The following FEN1 variants were observed in gnomAD, a reference collection of about 807,000 sequenced individuals.
FEN1 encodes flap structure-specific endonuclease 1.
A neutral mutation model predicts 24.7 loss-of-function variants in FEN1; 19 were observed. That is an observed-to-expected ratio of 0.77 (90% CI 0.54 to 1.13). FEN1 has a LOEUF of 1.13. Among genes scored for constraint, FEN1 ranks in the 50% most tolerant of loss-of-function variants. The probability of loss-of-function intolerance (pLI) is 0.00; values close to 1 mark genes in which losing one functional copy is unlikely to be tolerated. For missense variants in FEN1, 339 were observed against 488.7 expected (o/e 0.69, Z 2.89); for synonymous variants, 155 against 189.2 (o/e 0.82, Z 1.48).
rs2066815789 is a variant in FEN1, at chr11:61,795,744, A to G, written c.383A>G (p.Lys128Arg). 6.2e-7 allele frequency: 1 copy of G among 1,613,798 alleles called. No homozygotes were observed. Among genetic ancestry groups the G allele is most frequent in the East Asian group, 2.2e-5 (1 of 44,890 alleles). The change falls in exon 2 of 2, where the codon AAG (lysine) becomes AGG (arginine). Residue 128 changes from lysine (K) to arginine (R), a missense_variant. Around this residue, in one of 3 missense-constraint regions of FEN1, gnomAD observed 216 missense variants for 329.7 expected, o/e 0.66. Transcript: ENST00000305885. This position sits in a 1 kb window ranked among gnomAD's most constrained non-coding sequence, Gnocchi z 4.1. ...GAGCAGGAGGTGGAAAAATTCACTA[A>G]GCGGCTGGTGAAGGTCACTAAGCAG... The part of the protein sequence containing the change: ...GAEQEVEKFT[K>R]RLVKVTKQHN...
intron 1 of FEN1, among the ~76,000 whole-genome samples, chr11:61,794,659 C>A (rs2066809894): frequency 6.6e-6 from 1 of 152,196 alleles, no homozygotes; most frequent in African/African-American, 2.4e-5. Flanking sequence ...CCAGTGACTA[C>A]AGCATGCCAG....
Position 61,795,536 on chromosome 11 carries a change from G to A in FEN1, c.175G>A (p.Glu59Lys), listed in dbSNP as rs775415268. Residue 59 changes from glutamate (E) to lysine (K), a missense_variant, in exon 2 of 2, where the codon GAG (glutamate) becomes AAG (lysine). Transcript: ENST00000305885. The surrounding 1 kb of genome is among the most constrained non-coding windows in gnomAD (Gnocchi z 4.1). The part of the protein sequence containing the change: ...GGDVLQNEEG[E>K]TTSHLMGMFY... ...GGATGTGCTGCAGAATGAGGAGGGTGAGACCACCAGCCACCTGATGGGCAT... is the reference window on the plus strand; with the variant it reads ...GGATGTGCTGCAGAATGAGGAGGGTAAGACCACCAGCCACCTGATGGGCAT... The A allele has an allele frequency of 6.8e-6, 11 of 1,614,194 alleles. No individual in the cohort carries two copies. Among genetic ancestry groups the A allele is most frequent in the Non-Finnish European group, 9.3e-6 (11 of 1,180,048 alleles).
chr11:61,793,598 T>G (rs1215808772), intron 1 of FEN1, among the ~76,000 whole-genome samples: 1 of 152,224 alleles, frequency 6.6e-6, no homozygotes, highest in Non-Finnish European at 1.5e-5. Context: ...CTTTTGCCGC[T>G]GCAGTTCACA....
chr11:61,795,230 A>G lies in FEN1; in HGVS notation c.-21-111A>G, dbSNP rs2066812382. 10 of 874,496 alleles carry G rather than the reference A, an allele frequency of 1.1e-5. No individual in the cohort carries two copies. Among genetic ancestry groups the G allele is most frequent in the Non-Finnish European group, 1.7e-5 (10 of 579,576 alleles). 54.2% of individuals were successfully genotyped at this position (874,496 alleles called of 1,614,324 possible). On this transcript the variant is annotated intron_variant, in intron 1 of 1. Coordinates refer to ENST00000305885, the MANE Select transcript of FEN1 (RefSeq NM_004111.6). This position sits in a 1 kb window ranked among gnomAD's most constrained non-coding sequence, Gnocchi z 4.1. ...TCTTTTTATCTTTAGCAGTGCTGAC[A>G]TGGTGTCCTTTTTGTTGTGTGGAAT...
Position 61,795,238 on chromosome 11 carries a change from C to A in FEN1, c.-21-103C>A, listed in dbSNP as rs2066812419. 1.0e-6 allele frequency: 1 copy of A among 975,246 alleles called. No homozygotes were observed. The highest frequency in any genetic ancestry group is 1.5e-6 in the Non-Finnish European group (1 of 668,734). 60.4% of individuals were successfully genotyped at this position (975,246 alleles called of 1,614,324 possible). Reference sequence around the variant, plus strand: ...TCTTTAGCAGTGCTGACATGGTGTCCTTTTTGTTGTGTGGAATTTAGTTGA... The same window carrying A: ...TCTTTAGCAGTGCTGACATGGTGTCATTTTTGTTGTGTGGAATTTAGTTGA... On this transcript the variant is annotated intron_variant, in intron 1 of 1. Transcript: ENST00000305885. The surrounding 1 kb of genome is among the most constrained non-coding windows in gnomAD (Gnocchi z 4.1).
At chr11:61,793,612 G>A (rs2066803601) in intron 1 of FEN1, among the ~76,000 whole-genome samples, 1 of 152,172 alleles carries the variant, frequency 6.6e-6, no homozygotes, top group African/African-American at 2.4e-5. Context: ...GTTCACAGGG[G>A]AATTATTCAT....
rs1354249313 is a variant in FEN1, at chr11:61,796,078, G to A, written c.717G>A (p.Arg239=). ...LLGSDYCESI[R]GIGPKRAVDL... ...GCAGTGACTACTGTGAGAGTATCCG[G>A]GGTATTGGGCCCAAGCGGGCTGTGG... The change falls in exon 2 of 2, where the codon CGG becomes CGA. Residue 239 remains arginine (R), a synonymous_variant. Transcript: ENST00000305885. 6.2e-7 allele frequency: 1 copy of A among 1,614,076 alleles called. No homozygotes were observed. The highest frequency in any genetic ancestry group is 2.2e-5 in the East Asian group (1 of 44,896).
rs1446851072 is a variant in FEN1, at chr11:61,795,206, CT to C, written c.-21-130del. ...TTTTGAGAATGGGGACCTTGTTCAT[CT>C]TTTTATCTTTAGCAGTGCTGACATG... On this transcript the variant is annotated intron_variant, in intron 1 of 1. Transcript: ENST00000305885. This position sits in a 1 kb window ranked among gnomAD's most constrained non-coding sequence, Gnocchi z 4.1. 5 of 722,098 alleles carry C rather than the reference CT, an allele frequency of 6.9e-6. No homozygotes were observed. The highest frequency in any genetic ancestry group is 8.7e-6 in the Non-Finnish European group (4 of 460,930). The allele number at this position is 722,098 out of a possible 1,614,324, so 44.7% of individuals were successfully genotyped here. A position where few individuals can be genotyped will look rare whatever the true frequency, so the allele number is the denominator to read the frequency against.
In FEN1 at chr11:61,795,930, T is replaced by C. The variant is rs774159619; in HGVS notation, c.569T>C (p.Leu190Pro). 1 of 1,614,104 alleles carries C rather than the reference T, an allele frequency of 6.2e-7. No individual in the cohort carries two copies. Among genetic ancestry groups the C allele is most frequent in the Non-Finnish European group, 8.5e-7 (1 of 1,180,040 alleles). The change falls in exon 2 of 2, where the codon CTA becomes CCA. Residue 190 changes from leucine (L) to proline (P), a missense_variant. This residue lies in a region of FEN1 where 216 missense variants were observed against 329.7 expected (regional missense o/e 0.66). Coordinates refer to ENST00000305885, the MANE Select transcript of FEN1 (RefSeq NM_004111.6). This position sits in a 1 kb window ranked among gnomAD's most constrained non-coding sequence, Gnocchi z 4.1. ...TGCCTCACCTTCGGCAGCCCTGTGCTAATGCGACACCTGACTGCCAGTGAA... is the reference window on the plus strand; with the variant it reads ...TGCCTCACCTTCGGCAGCCCTGTGCCAATGCGACACCTGACTGCCAGTGAA... ...MDCLTFGSPV[L>P]MRHLTASEAK...
intron 1 of FEN1, among the ~76,000 whole-genome samples, chr11:61,794,123 G>A (rs1490115043): frequency 6.6e-6 from 1 of 152,166 alleles, no homozygotes; most frequent in Non-Finnish European, 1.5e-5. Context: ...TCTGTGCCTG[G>A]CCCCAGTAGA....
rs1446781780 is a variant in FEN1 at position 61,796,612 on chromosome 11, T to A, written c.*108T>A. The A allele has an allele frequency of 1.6e-6, 2 of 1,241,450 alleles. No individual in the cohort carries two copies. Among genetic ancestry groups the A allele is most frequent in the Non-Finnish European group, 2.2e-6 (2 of 909,996 alleles). 76.9% of individuals were successfully genotyped at this position (1,241,450 alleles called of 1,614,324 possible). On this transcript the variant is annotated 3_prime_UTR_variant, in exon 2 of 2. Transcript: ENST00000305885. Reference sequence around the variant, plus strand: ...CGGGGTGGAGAGAGGATTCTAAGGCTTTTCTAGCGTGACCCTTTTCAGTAG... The same window carrying A: ...CGGGGTGGAGAGAGGATTCTAAGGCATTTCTAGCGTGACCCTTTTCAGTAG...
rs746422574 is a variant in FEN1 at position 61,796,557 on chromosome 11, C to T, written c.*53C>T. The T allele has an allele frequency of 1.9e-5, 28 of 1,489,664 alleles. No homozygotes were observed. Among genetic ancestry groups the T allele is most frequent in the Non-Finnish European group, 2.3e-5 (26 of 1,117,360 alleles). The allele number at this position is 1,489,664 out of a possible 1,614,324, so 92.3% of individuals were successfully genotyped here. A position where few individuals can be genotyped will look rare whatever the true frequency, so the allele number is the denominator to read the frequency against. On this transcript the variant is annotated 3_prime_UTR_variant, in exon 2 of 2. Coordinates refer to ENST00000305885, the MANE Select transcript of FEN1 (RefSeq NM_004111.6). ...CCCCAGAATATTTGCCGTCTTGTAC[C>T]CTTAAGAGCTACAGCTAGAGAAACC...
In FEN1 at chr11:61,795,620, G is replaced by T. The variant is rs769573710; in HGVS notation, c.259G>T (p.Gly87Cys). Residue 87 changes from glycine to cysteine, a missense_variant, in exon 2 of 2, where the codon GGC (glycine) becomes TGC (cysteine). Physicochemically the swap from Gly to Cys is radical, Grantham distance 159. Coordinates refer to ENST00000305885, the MANE Select transcript of FEN1 (RefSeq NM_004111.6). The surrounding 1 kb of genome is among the most constrained non-coding windows in gnomAD (Gnocchi z 4.1). Reference protein sequence around the residue: ...NGIKPVYVFDGKPPQLKSGEL... With the variant: ...NGIKPVYVFDCKPPQLKSGEL... ...CATCAAGCCCGTGTATGTCTTTGAT[G>T]GCAAGCCGCCACAGCTCAAGTCAGG... The T allele has an allele frequency of 1.2e-6, 2 of 1,614,108 alleles. No homozygotes were observed. The highest frequency in any genetic ancestry group is 4.5e-5 in the East Asian group (2 of 44,886).
chr11:61,794,922 A>G (rs879495508), intron 1 of FEN1, among the ~76,000 whole-genome samples: 6 of 152,172 alleles, frequency 3.9e-5, no homozygotes, highest in Non-Finnish European at 5.9e-5. Context: ...ACTCAAAACA[A>G]ATCAGATCTG....
Position 61,795,050 on chromosome 11 carries a change from GT to G in FEN1, c.-21-283del, listed in dbSNP as rs545595506. ...TCCTTGATGGAGACCTATGTTGCAGGTTTTTTTTGTGTAATAAATAATGCTG... is the reference window on the plus strand; with the variant it reads ...TCCTTGATGGAGACCTATGTTGCAGGTTTTTTTGTGTAATAAATAATGCTG... On this transcript the variant is annotated intron_variant, in intron 1 of 1. Coordinates refer to ENST00000305885, the MANE Select transcript of FEN1 (RefSeq NM_004111.6). This position sits in a 1 kb window ranked among gnomAD's most constrained non-coding sequence, Gnocchi z 4.1. Among the ~76,000 whole-genome samples the G allele has an allele frequency of 1.3e-5, 2 of 151,896 alleles. No individual in the cohort carries two copies. The highest frequency in any genetic ancestry group is 2.9e-5 in the Non-Finnish European group (2 of 67,978).
In FEN1 at chr11:61,796,211, T is replaced by C; in HGVS notation, c.850T>C (p.Leu284=). The change falls in exon 2 of 2, where the codon TTG becomes CTG. Residue 284 remains leucine (L), a synonymous_variant. Coordinates refer to ENST00000305885, the MANE Select transcript of FEN1 (RefSeq NM_004111.6). ...CCACAAGGAGGCTCACCAGCTCTTC[T>C]TGGAACCTGAGGTGCTGGACCCAGA... ...WLHKEAHQLF[L]EPEVLDPESV... The C allele has an allele frequency of 1.9e-6, 3 of 1,613,152 alleles. No individual in the cohort carries two copies. Among genetic ancestry groups the C allele is most frequent in the East Asian group, 4.5e-5 (2 of 44,894 alleles).
chr11:61,795,851 G>A lies in FEN1; in HGVS notation c.490G>A (p.Ala164Thr). 1 of 1,614,000 alleles carries A rather than the reference G, an allele frequency of 6.2e-7. No individual in the cohort carries two copies. The highest frequency in any genetic ancestry group is 8.5e-7 in the Non-Finnish European group (1 of 1,180,044). ...DAPSEAEASCAALVKAGKVYA... is the reference protein window; with the variant it reads ...DAPSEAEASCTALVKAGKVYA... Reference sequence around the variant, plus strand: ...ACCCAGTGAGGCAGAGGCCAGCTGTGCTGCCCTGGTGAAGGCTGGCAAAGT... The same window carrying A: ...ACCCAGTGAGGCAGAGGCCAGCTGTACTGCCCTGGTGAAGGCTGGCAAAGT... Residue 164 changes from alanine (A) to threonine (T), a missense_variant, in exon 2 of 2, where the codon GCT (alanine) becomes ACT (threonine). Transcript: ENST00000305885. This position sits in a 1 kb window ranked among gnomAD's most constrained non-coding sequence, Gnocchi z 4.1.
Position 61,796,711 on chromosome 11 carries a change from A to G in FEN1, c.*207A>G, listed in dbSNP as rs895035127. On this transcript the variant is annotated 3_prime_UTR_variant, in exon 2 of 2. Transcript: ENST00000305885. The stretch of plus-strand genomic sequence containing the variant: ...TACTTTTCCTTTTTTAGCTCAGGAA[A>G]ATATGTCAGGCTCAAACCACTTCTC... The G allele has an allele frequency of 1.1e-4, 64 of 601,088 alleles. No individual in the cohort carries two copies. The highest frequency in any genetic ancestry group is 1.8e-5 in the Non-Finnish European group (6 of 340,296). The allele number at this position is 601,088 out of a possible 1,614,324, so 37.2% of individuals were successfully genotyped here.
intron 1 of FEN1, 162 bp downstream of exon 1, chr11:61,793,190 T>C (rs2066799375): frequency 6.5e-6 from 1 of 153,308 alleles, no homozygotes; most frequent in Non-Finnish European, 1.5e-5. Context: ...GAGCCTCTCT[T>C]TCCTCCATTG....
Sources: allele counts gnomAD v4.1 joint callset (sites outside exome capture counted in the v4.1 genomes callset), GRCh38; gene constraint gnomAD v4.1.1; regional missense constraint gnomAD v4.1.1; non-coding constraint Gnocchi (gnomAD v3.1); transcripts MANE v1.5; gene names NCBI Gene and HGNC (gene_info 2026-07-23, HGNC 2026-07-21).